Variants in CPEB3 observed in about 807,000 individuals in gnomAD.
CPEB3 encodes the protein cytoplasmic polyadenylation element binding protein 3.
In CPEB3, 20 loss-of-function variants were observed where a neutral mutation model predicts 67.2. That is an observed-to-expected ratio of 0.30 (90% confidence interval 0.21 to 0.43). The LOEUF is 0.43. Ranked by LOEUF, CPEB3 falls within the 20% of genes least tolerant of loss-of-function variation. CPEB3 has a pLI of 1.00. For missense variants in CPEB3, 746 were observed against 968.6 expected, an observed-to-expected ratio of 0.77 and a Z score of 3.05; for synonymous variants, 376 against 393.1, an observed-to-expected ratio of 0.96 and a Z score of 0.51.
chr10:92,160,574 T>C (rs747826399), intron 4 of CPEB3, among the ~76,000 whole-genome samples: 1 of 152,200 alleles, frequency 6.6e-6, no homozygotes, highest in Non-Finnish European at 1.5e-5. Flanking sequence ...AAAATCTTTA[T>C]TGAGAAAGGA....
intron 6 of CPEB3, among the ~76,000 whole-genome samples, chr10:92,127,310 G>C (rs1174193134): frequency 6.6e-6 from 1 of 152,048 alleles, no homozygotes; most frequent in African/African-American, 2.4e-5. Flanking sequence ...GCGAGTAAGA[G>C]GAATACAGAA....
chr10:92,286,011 C>G (rs367697294), intron 1 of CPEB3, among the ~76,000 whole-genome samples: 1 of 151,386 alleles, frequency 6.6e-6, no homozygotes, highest in African/African-American at 2.4e-5. Flanking sequence ...TCTCGGCTCA[C>G]TGCAAGCTCC....
At chr10:92,108,958 C>A (rs1311890624) in intron 7 of CPEB3, among the ~76,000 whole-genome samples, 1 of 152,176 alleles carries the variant, frequency 6.6e-6, no homozygotes, top group Non-Finnish European at 1.5e-5. Flanking sequence ...GCTTGTCCCA[C>A]AAGGCATATT....
chr10:92,061,135 T>C (rs1590052778), intron 9 of CPEB3, among the ~76,000 whole-genome samples: 1 of 152,172 alleles, frequency 6.6e-6, no homozygotes, highest in Non-Finnish European at 1.5e-5. Flanking sequence ...AACAGATGAA[T>C]GGGCCGAGTA....
In CPEB3 at chr10:92,247,023, AAC is replaced by A. The variant is rs554228118; in HGVS notation, c.-11-6664_-11-6663del. 1.3e-4 allele frequency among the ~76,000 whole-genome samples: 20 copies of A among 152,284 alleles called. No homozygotes were observed. In the South Asian group the frequency reaches 3.7e-3, roughly 28 times the overall value. On this transcript the variant is annotated intron_variant, in intron 1 of 9. Coordinates refer to ENST00000265997, the MANE Select transcript of CPEB3 (RefSeq NM_014912.5). ...TTAATGGGATTGTATTGTATTGAAA[AAC>A]ACACTAATCTCTGCTTTTTTTCCCC...
intron 2 of CPEB3, among the ~76,000 whole-genome samples, chr10:92,219,167 A>G (rs1850580256): frequency 6.6e-6 from 1 of 152,156 alleles, no homozygotes; most frequent in Non-Finnish European, 1.5e-5. Flanking sequence ...CTTAATATAA[A>G]TTCCTAATAT....
chr10:92,083,271 G>A (rs562203641), intron 8 of CPEB3, among the ~76,000 whole-genome samples: 1 of 152,302 alleles, frequency 6.6e-6, no homozygotes, highest in Admixed American at 6.5e-5. Context: ...TGCTATTAAA[G>A]ACAGAGCAGC....
At chr10:92,080,848 C>A (rs1843123635) in intron 9 of CPEB3, among the ~76,000 whole-genome samples, 2 of 152,204 alleles carry the variant, frequency 1.3e-5, no homozygotes, top group Admixed American at 1.3e-4. Context: ...ATCCACCCGC[C>A]TCGGCCTCCC....
chr10:92,180,917 CA>C (rs1848429398), intron 4 of CPEB3, 45 bp downstream of exon 4: 1 of 981,450 alleles, frequency 1.0e-6, no homozygotes, highest in Non-Finnish European at 1.6e-6. Context: ...CTACATGCTG[CA>C]AACTTGACTG....
At chr10:92,186,780 C>A (rs183587546) in intron 3 of CPEB3, among the ~76,000 whole-genome samples, 2 of 152,096 alleles carry the variant, frequency 1.3e-5, no homozygotes, top group Non-Finnish European at 2.9e-5. Flanking sequence ...AGGATGATTA[C>A]GCAAATTAAT....
chr10:92,248,319 T>G (rs1292376110), intron 1 of CPEB3, among the ~76,000 whole-genome samples: 1 of 152,234 alleles, frequency 6.6e-6, no homozygotes, highest in African/African-American at 2.4e-5. Context: ...TCAGTACAAA[T>G]GCAAGCATTC....
At chr10:92,166,654 A>G (rs1032874326) in intron 4 of CPEB3, among the ~76,000 whole-genome samples, 1 of 152,200 alleles carries the variant, frequency 6.6e-6, no homozygotes, top group Non-Finnish European at 1.5e-5. Context: ...GCTGTCATAC[A>G]GGCTTTGTTG....
At chr10:92,057,530 C>T (rs115434994) in intron 9 of CPEB3, among the ~76,000 whole-genome samples, 2,410 of 152,312 alleles carry the variant, frequency 0.016, 62 homozygotes, top group African/African-American at 0.056. Flanking sequence ...AATCTCGCTG[C>T]CCTAAAGGGA....
intron 1 of CPEB3, among the ~76,000 whole-genome samples, chr10:92,265,728 A>G (rs572581453): frequency 9.2e-4 from 140 of 151,576 alleles, no homozygotes; most frequent in Non-Finnish European, 1.8e-3. Flanking sequence ...AGCCTGGGCA[A>G]CAAGAGCAAA....
rs78345640 is a variant in CPEB3, at chr10:92,069,835, T to A, written c.1869+11485A>T. On this transcript the variant is annotated intron_variant, in intron 9 of 9. Transcript: ENST00000265997. ...AATGGTATACTGATTTCAACAACGA[T>A]TTTTCCTTCTTATATGGAGACATTT... Among the ~76,000 whole-genome samples the A allele has an allele frequency of 8.0e-4, 122 of 152,346 alleles. 3 individuals carry two copies. The East Asian group carries it at 0.022, about 27-fold the overall frequency.
rs1229179383 is a variant in CPEB3 at position 92,048,626 on chromosome 10, C to G, written c.*3586G>C. The G allele has an allele frequency of 6.6e-6, 1 of 152,480 alleles. No individual in the cohort carries two copies. The highest frequency in any genetic ancestry group is 1.5e-5 in the Non-Finnish European group (1 of 68,008). The allele number at this position is 152,480 out of a possible 1,614,324, so 9.4% of individuals were successfully genotyped here. ...CACTGTGATAAAGGAAAAGGCTTCT[C>G]AAAATCTCACATGTTCTGCTCATTC... is the stretch of plus-strand genomic sequence containing the variant. On this transcript the variant is annotated 3_prime_UTR_variant, in exon 10 of 10. Coordinates refer to ENST00000265997, the MANE Select transcript of CPEB3 (RefSeq NM_014912.5). This position sits in a 1 kb window ranked among gnomAD's most constrained non-coding sequence, Gnocchi z 4.1.
chr10:92,053,682 C>T (rs1479346044), intron 9 of CPEB3, among the ~76,000 whole-genome samples: 1 of 152,090 alleles, frequency 6.6e-6, no homozygotes, highest in Non-Finnish European at 1.5e-5. Flanking sequence ...GCTGGGACTA[C>T]AGGCACCCGC....
At chr10:92,202,145 A>C (rs1170809600) in intron 2 of CPEB3, among the ~76,000 whole-genome samples, 2 of 152,180 alleles carry the variant, frequency 1.3e-5, no homozygotes, top group Admixed American at 1.3e-4. Context: ...AACAACCAGA[A>C]TTCTCATAAA....
intron 2 of CPEB3, among the ~76,000 whole-genome samples, chr10:92,222,045 G>A (rs1296607748): frequency 6.6e-6 from 1 of 152,048 alleles, no homozygotes; most frequent in Non-Finnish European, 1.5e-5. Flanking sequence ...TCACTTACCT[G>A]ACTTTCCAGA....
Sources: gnomAD v4.1 joint callset for allele counts (sites outside exome capture counted in the v4.1 genomes callset) on GRCh38, gnomAD v4.1.1 for gene constraint, Gnocchi (gnomAD v3.1) non-coding constraint, MANE v1.5 for transcripts, NCBI Gene and HGNC (gene_info 2026-07-23, HGNC 2026-07-21) for gene names.